Variants in HS6ST2 observed in about 807,000 individuals in gnomAD.
HS6ST2 encodes the protein heparan-sulfate 6-O-sulfotransferase 2.
Under a neutral mutation model 33.0 loss-of-function variants are expected in HS6ST2, and 17 were observed. The observed-to-expected ratio is 0.52, with a 90% CI of 0.35 to 0.77. The LOEUF (loss-of-function observed/expected upper bound fraction) is 0.77, where lower values mean the gene tolerates loss of function less well. Ranked by LOEUF, HS6ST2 falls within the 30% of genes least tolerant of loss-of-function variation. The pLI is 0.01. For missense variants in HS6ST2, 519 were observed against 551.7 expected (o/e 0.94, Z 0.59); for synonymous variants, 248 against 237.1 (o/e 1.05, Z -0.42).
chrX:132,788,795 T>C (rs988654199), intron 2 of HS6ST2, among the ~76,000 whole-genome samples: 1 of 112,719 alleles, frequency 8.9e-6, no homozygotes, highest in African/African-American at 3.2e-5. Flanking sequence ...GGAGAACATT[T>C]TAGTGGTCTG....
intron 2 of HS6ST2, among the ~76,000 whole-genome samples, chrX:132,815,757 A>C (rs1226203168): frequency 2.7e-5 from 3 of 111,448 alleles, no homozygotes; most frequent in African/African-American, 9.8e-5. Context: ...TGTCTCTTTC[A>C]ATAGCTTGCC....
At chrX:132,865,247 G>A (rs1294808871) in intron 2 of HS6ST2, among the ~76,000 whole-genome samples, 7 of 108,068 alleles carry the variant, frequency 6.5e-5, no homozygotes, top group Admixed American at 2.0e-4. Flanking sequence ...CTGTTTTTGC[G>A]GTAGTTTACT....
At chrX:132,810,148 G>A (rs2065326862) in intron 2 of HS6ST2, among the ~76,000 whole-genome samples, 1 of 111,853 alleles carries the variant, frequency 8.9e-6, no homozygotes. Context: ...GCTCACACCT[G>A]TAATCCCAGT....
chrX:132,875,267 G>A (rs990218838), intron 2 of HS6ST2, among the ~76,000 whole-genome samples: 4 of 111,473 alleles, frequency 3.6e-5, no homozygotes, highest in African/African-American at 1.3e-4. Context: ...AAGAGTGAGC[G>A]AAAAGGGCAA....
chrX:132,652,987 A>G (rs1319242183), intron 4 of HS6ST2, among the ~76,000 whole-genome samples: 1 of 111,613 alleles, frequency 9.0e-6, no homozygotes, highest in East Asian at 2.8e-4. Context: ...CTTTATTTTG[A>G]AAAATGTTGC....
intron 2 of HS6ST2, among the ~76,000 whole-genome samples, chrX:132,774,360 C>A (rs2064935233): frequency 8.9e-6 from 1 of 112,266 alleles, no homozygotes; most frequent in Admixed American, 9.4e-5. Flanking sequence ...TGCTCTCCAC[C>A]CCAAACATTT....
intron 2 of HS6ST2, among the ~76,000 whole-genome samples, chrX:132,885,984 T>C (rs1428970328): frequency 9.0e-6 from 1 of 111,311 alleles, no homozygotes; most frequent in Admixed American, 9.6e-5. Context: ...CCAGAATCCA[T>C]AGTTGCTACA....
chrX:132,827,210 A>G (rs1424250736), intron 2 of HS6ST2, among the ~76,000 whole-genome samples: 2 of 111,386 alleles, frequency 1.8e-5, no homozygotes, highest in African/African-American at 6.5e-5. Flanking sequence ...TGTCTTCCCA[A>G]CAGAACCCCA....
chrX:132,888,157 A>T (rs927844773), intron 2 of HS6ST2, among the ~76,000 whole-genome samples: 1 of 111,917 alleles, frequency 8.9e-6, no homozygotes, highest in Non-Finnish European at 1.9e-5. Flanking sequence ...ATTTTTTTTA[A>T]GAAAGAGTTT....
chrX:132,762,093 T>C (rs1037031109), intron 2 of HS6ST2, among the ~76,000 whole-genome samples: 1 of 112,409 alleles, frequency 8.9e-6, no homozygotes, highest in Non-Finnish European at 1.9e-5. Flanking sequence ...TTATTCAGCA[T>C]TATAAGCAGC....
chrX:132,778,942 CA>C (rs1320445731), intron 2 of HS6ST2, among the ~76,000 whole-genome samples: 1 of 111,419 alleles, frequency 9.0e-6, no homozygotes, highest in Non-Finnish European at 1.9e-5. Context: ...AACATTTTTC[CA>C]AAAAAATGTA....
chrX:132,877,328 G>T (rs1243787641), intron 2 of HS6ST2, among the ~76,000 whole-genome samples: 2 of 112,540 alleles, frequency 1.8e-5, no homozygotes, highest in Non-Finnish European at 3.7e-5. Context: ...TCTAAAAATG[G>T]AAATGTACTA....
intron 4 of HS6ST2, among the ~76,000 whole-genome samples, chrX:132,650,525 A>C (rs2063681748): frequency 9.0e-6 from 1 of 110,941 alleles, no homozygotes; most frequent in Admixed American, 9.6e-5. Context: ...CTTTGCTTTC[A>C]TATTTATTTT....
intron 4 of HS6ST2, among the ~76,000 whole-genome samples, chrX:132,654,071 T>C (rs2063713541): frequency 9.0e-6 from 1 of 111,476 alleles, no homozygotes; most frequent in South Asian, 3.8e-4. Flanking sequence ...TGCCTATGGC[T>C]AACAATACTT....
intron 2 of HS6ST2, among the ~76,000 whole-genome samples, chrX:132,863,618 C>G (rs1366859260): frequency 2.7e-5 from 3 of 110,474 alleles, no homozygotes; most frequent in Admixed American, 9.7e-5. Flanking sequence ...GCCACTGCAT[C>G]TGGCCATATT....
At chrX:132,668,684 A>G (rs948284517) in intron 4 of HS6ST2, among the ~76,000 whole-genome samples, 3 of 111,968 alleles carry the variant, frequency 2.7e-5, no homozygotes, top group Non-Finnish European at 5.6e-5. Context: ...TTTATGGAAA[A>G]GCTTACCAGA....
chrX:132,795,531 T>A (rs897023611), intron 2 of HS6ST2, among the ~76,000 whole-genome samples: 1 of 112,044 alleles, frequency 8.9e-6, no homozygotes, highest in African/African-American at 3.2e-5. Flanking sequence ...TGTGATCCTT[T>A]AGTGAAATTT....
chrX:132,872,327 G>A (rs986708809), intron 2 of HS6ST2, among the ~76,000 whole-genome samples: 3 of 111,926 alleles, frequency 2.7e-5, no homozygotes, highest in African/African-American at 9.7e-5. Context: ...CTACCTGTAT[G>A]GAAAATATTG....
chrX:132,841,006 A>G (rs2065702433), intron 2 of HS6ST2, among the ~76,000 whole-genome samples: 1 of 112,356 alleles, frequency 8.9e-6, no homozygotes, highest in Admixed American at 9.4e-5. Flanking sequence ...TTGTTCTTAA[A>G]TTCTAGTTAC....
Sources: gnomAD v4.1 joint callset for allele counts (sites outside exome capture counted in the v4.1 genomes callset) on GRCh38, gnomAD v4.1.1 for gene constraint, MANE v1.5 for transcripts, NCBI Gene and HGNC (gene_info 2026-07-23, HGNC 2026-07-21) for gene names.